TINAG: variants seen among roughly 807,000 people sequenced by gnomAD.
The protein encoded by TINAG is tubulointerstitial nephritis antigen.
Under a neutral mutation model 72.7 loss-of-function variants are expected in TINAG, and 83 were observed. The ratio of observed to expected loss-of-function variants is 1.14; its 90% CI spans 0.96 to 1.37. The LOEUF (loss-of-function observed/expected upper bound fraction) is 1.37. Ranked by LOEUF, TINAG falls within the 40% of genes most tolerant of loss-of-function variation. The pLI, the probability that TINAG is intolerant of heterozygous loss-of-function variation, is 0.00. For synonymous variants in TINAG, 234 were observed against 189.9 expected (o/e 1.23, Z -1.91); for missense variants, 685 against 576.6 (o/e 1.19, Z -1.93).
At chr6:54,338,704 A>G (rs1784926481) in intron 4 of TINAG, among the ~76,000 whole-genome samples, 1 of 137,894 alleles carries the variant, frequency 7.3e-6, no homozygotes, top group Non-Finnish European at 1.5e-5. Flanking sequence ...CAGGCGACAG[A>G]GCAAGACTCT....
rs147705628 is a variant in TINAG at position 54,371,599 on chromosome 6, A to T, written c.1251-8927A>T. Among the ~76,000 whole-genome samples the T allele has an allele frequency of 2.2e-3, 338 of 151,966 alleles. 3 individuals are homozygous for T. Among genetic ancestry groups the T allele is most frequent in the African/African-American group, 7.7e-3 (319 of 41,494 alleles). On this transcript the variant is annotated intron_variant, in intron 9 of 10. Coordinates refer to ENST00000259782, the MANE Select transcript of TINAG (RefSeq NM_014464.4). ...TATTTATTTAATTTTGACCTACCTT[A>T]CCTTGATTTCACAGGTAGATGAATA... is the stretch of plus-strand genomic sequence containing the variant.
chr6:54,387,549 T>G (rs908010749), intron 10 of TINAG, among the ~76,000 whole-genome samples: 1 of 151,900 alleles, frequency 6.6e-6, no homozygotes, highest in Non-Finnish European at 1.5e-5. Flanking sequence ...GAGTGGAGGG[T>G]GGATGGACAG....
chr6:54,343,449 A>T (rs1439461167), intron 5 of TINAG, 100 bp downstream of exon 5: 1 of 1,105,018 alleles, frequency 9.0e-7, no homozygotes, highest in East Asian at 3.1e-5. Flanking sequence ...ATATTTAAAT[A>T]TTAGCATATG....
At chr6:54,330,126 A>G (rs960047830) in intron 4 of TINAG, among the ~76,000 whole-genome samples, 2 of 152,200 alleles carry the variant, frequency 1.3e-5, no homozygotes, top group Admixed American at 1.3e-4. Context: ...CGGACTTAAT[A>G]GACATCTACA....
At chr6:54,331,494 C>T (rs977632095) in intron 4 of TINAG, among the ~76,000 whole-genome samples, 2 of 152,162 alleles carry the variant, frequency 1.3e-5, no homozygotes, top group Non-Finnish European at 2.9e-5. Context: ...AACCCACAGC[C>T]AATATCATAC....
At chr6:54,355,926 T>G (rs1763025727) in intron 9 of TINAG, among the ~76,000 whole-genome samples, 1 of 151,882 alleles carries the variant, frequency 6.6e-6, no homozygotes, top group African/African-American at 2.4e-5. Context: ...AGTGCAGTAC[T>G]TCAAATTTTT....
At chr6:54,346,080 G>A (rs1785114760) in intron 5 of TINAG, among the ~76,000 whole-genome samples, 1 of 151,950 alleles carries the variant, frequency 6.6e-6, no homozygotes, top group Admixed American at 6.6e-5. Context: ...GACTGTTCCA[G>A]ATATTCAATA....
chr6:54,322,203 G>T (rs1407462526), intron 3 of TINAG, among the ~76,000 whole-genome samples: 1 of 152,030 alleles, frequency 6.6e-6, no homozygotes, highest in Non-Finnish European at 1.5e-5. Context: ...AGGTACTCAG[G>T]AGGCTGAAGC....
chr6:54,338,854 G>A (rs1319040755), intron 4 of TINAG, among the ~76,000 whole-genome samples: 1 of 151,564 alleles, frequency 6.6e-6, no homozygotes, highest in African/African-American at 2.4e-5. Flanking sequence ...TTATTACCAT[G>A]TTTTAGAGCT....
At chr6:54,355,813 A>G (rs1763019019) in intron 9 of TINAG, among the ~76,000 whole-genome samples, 2 of 151,200 alleles carry the variant, frequency 1.3e-5, no homozygotes, top group Admixed American at 6.6e-5. Flanking sequence ...TTTTTAATGA[A>G]TCTCCTAGAT....
intron 10 of TINAG, among the ~76,000 whole-genome samples, chr6:54,384,058 A>G (rs1005732625): frequency 5.9e-5 from 9 of 152,200 alleles, no homozygotes; most frequent in Admixed American, 5.9e-4. Flanking sequence ...TTGCAGGGAC[A>G]TGGATGAAGC....
chr6:54,350,294 T>C (rs1370136559), intron 7 of TINAG, among the ~76,000 whole-genome samples: 1 of 151,980 alleles, frequency 6.6e-6, no homozygotes, highest in Non-Finnish European at 1.5e-5. Flanking sequence ...CTGGGTCTAA[T>C]AGAAAAAAGA....
intron 9 of TINAG, among the ~76,000 whole-genome samples, chr6:54,360,642 T>C (rs1477132239): frequency 6.6e-6 from 1 of 151,556 alleles, no homozygotes; most frequent in Admixed American, 6.6e-5. Flanking sequence ...CTTTTGCTTA[T>C]AAATCTTAGG....
intron 9 of TINAG, chr6:54,365,249 T>G (rs1763372284): frequency 6.6e-6 from 1 of 151,632 alleles, no homozygotes; most frequent in South Asian, 2.1e-4. Context: ...AGAATGTCTT[T>G]CGATTGCAAA....
intron 5 of TINAG, among the ~76,000 whole-genome samples, chr6:54,344,354 G>T (rs1382499453): frequency 6.6e-6 from 1 of 152,134 alleles, no homozygotes; most frequent in East Asian, 1.9e-4. Context: ...GGCTACATTT[G>T]TTAATTCACT....
At chr6:54,317,402 T>G (rs995586884) in intron 1 of TINAG, among the ~76,000 whole-genome samples, 2 of 152,090 alleles carry the variant, frequency 1.3e-5, no homozygotes, top group Non-Finnish European at 2.9e-5. Context: ...CGGGGACAGG[T>G]TTTTCCCATG....
chr6:54,315,021 T>C (rs1025442748), intron 1 of TINAG, among the ~76,000 whole-genome samples: 12 of 152,092 alleles, frequency 7.9e-5, no homozygotes, highest in Admixed American at 2.6e-4. Context: ...TACTTGAAAA[T>C]AGTACTACAC....
At chr6:54,320,034 G>T (rs936417284) in intron 1 of TINAG, among the ~76,000 whole-genome samples, 5 of 152,046 alleles carry the variant, frequency 3.3e-5, no homozygotes, top group Admixed American at 3.3e-4. Flanking sequence ...TTTGGATTTG[G>T]AAGGCAAATG....
rs142471971 is a variant in TINAG at position 54,349,894 on chromosome 6, A to G, written c.1078A>G (p.Asn360Asp). ...QCSPPYRVSS[N>D]ETEIMKEIMQ... ...TTCTCCTCCATACAGAGTCTCTTCC[A>G]ACGTAAGTATAAATGGCAAGAATCA... The change falls in exon 7 of 11, where the codon AAC (asparagine) becomes GAC (aspartate). Residue 360 changes from asparagine to aspartate, a missense_variant and splice_region_variant. Asn to Asp is a conservative substitution (Grantham distance 23). Transcript: ENST00000259782. The G allele has an allele frequency of 3.9e-6, 6 of 1,549,660 alleles. No individual in the cohort carries two copies. In the Admixed American group the frequency reaches 5.4e-5, roughly 14 times the overall value.
Sources: gnomAD v4.1 joint callset for allele counts (sites outside exome capture counted in the v4.1 genomes callset) on GRCh38, gnomAD v4.1.1 for gene constraint, MANE v1.5 for transcripts, NCBI Gene and HGNC (gene_info 2026-07-23, HGNC 2026-07-21) for gene names.